B4GALNT1: variants seen among roughly 807,000 people sequenced by gnomAD.
The protein encoded by B4GALNT1 is beta-1,4-N-acetyl-galactosaminyltransferase 1.
B4GALNT1 carries 43 observed loss-of-function variants against 55.2 expected under a neutral mutation model. The ratio of observed to expected loss-of-function variants is 0.78; its 90% CI spans 0.61 to 1.00. B4GALNT1 has a LOEUF of 1.00. Ranked by LOEUF, B4GALNT1 falls within the 50% of genes least tolerant of loss-of-function variation. B4GALNT1 has a pLI of 0.00. For missense variants in B4GALNT1, 664 were observed against 729.7 expected (o/e 0.91, Z 1.04); for synonymous variants, 305 against 311.6 (o/e 0.98, Z 0.22).
intron 2 of B4GALNT1, among the ~76,000 whole-genome samples, chr12:57,631,608 C>T (rs1885216689): frequency 6.6e-6 from 1 of 152,034 alleles, no homozygotes; most frequent in East Asian, 1.9e-4. Context: ...GAGCTGCCTA[C>T]CCACCAACCA....
chr12:57,627,447 G>T (rs1257005629), intron 10 of B4GALNT1, among the ~76,000 whole-genome samples, 171 bp downstream of exon 10: 7 of 152,116 alleles, frequency 4.6e-5, no homozygotes, highest in Non-Finnish European at 8.8e-5. Context: ...CTGGGAGAGG[G>T]TGGGAGCTGT....
intron 1 of B4GALNT1, 94 bp from the exon 2 acceptor site, chr12:57,632,227 C>T (rs780048927): frequency 8.0e-7 from 1 of 1,250,700 alleles, no homozygotes; most frequent in Admixed American, 2.0e-5. Context: ...AGGCTCCTGC[C>T]GGCTCCCAAG....
In B4GALNT1 at chr12:57,626,810, C is replaced by G. The variant is rs774873545; in HGVS notation, c.1536G>C (p.Glu512Asp). Residue 512 changes from glutamate to aspartate, a missense_variant, in exon 11 of 11, where the codon GAG becomes GAC. Glu to Asp is a conservative substitution (Grantham distance 45). Coordinates refer to ENST00000341156, the MANE Select transcript of B4GALNT1 (RefSeq NM_001478.5). ...ARYRYPGSLDESQMAKHRLLF... is the reference protein window; with the variant it reads ...ARYRYPGSLDDSQMAKHRLLF... ...GCAGCCGGTGTTTGGCCATCTGGCT[C>G]TCGTCCAGTGATCCTGGGTAACGGT... The G allele has an allele frequency of 2.5e-6, 4 of 1,614,232 alleles. No individual in the cohort carries two copies. The highest frequency in any genetic ancestry group is 3.4e-6 in the Non-Finnish European group (4 of 1,180,050).
Position 57,624,269 on chromosome 12 carries a change from T to G in B4GALNT1, c.*2475A>C. The G allele has an allele frequency of 1.5e-6, 1 of 668,892 alleles. No individual in the cohort carries two copies. The highest frequency in any genetic ancestry group is 2.6e-6 in the Non-Finnish European group (1 of 384,650). 41.4% of individuals were successfully genotyped at this position (668,892 alleles called of 1,614,324 possible). ...TCACAGGCAAGGGAAAGGATGGGGT[T>G]TGAACCCCTTTGGCCTGAATATTTG... On this transcript the variant is annotated 3_prime_UTR_variant, in exon 11 of 11. Coordinates refer to ENST00000341156, the MANE Select transcript of B4GALNT1 (RefSeq NM_001478.5).
rs765777751 is a variant in B4GALNT1 at position 57,624,816 on chromosome 12, AGGAAG to A, written c.*1923_*1927del. 93 of 1,568,348 alleles carry A rather than the reference AGGAAG, an allele frequency of 5.9e-5. No homozygotes were observed. Among genetic ancestry groups the A allele is most frequent in the Non-Finnish European group, 8.0e-5 (91 of 1,138,474 alleles). On this transcript the variant is annotated 3_prime_UTR_variant, in exon 11 of 11. Transcript: ENST00000341156. ...AGGGTGGGTGGGCTGCAGCCAAAGA[AGGAAG>A]GGAAGATTAGCCCCAGACATTTCTC...
Position 57,625,009 on chromosome 12 carries a change from G to A in B4GALNT1, c.*1735C>T, listed in dbSNP as rs1413844832. The A allele has an allele frequency of 6.2e-7, 1 of 1,613,786 alleles. No homozygotes were observed. The highest frequency in any genetic ancestry group is 8.5e-7 in the Non-Finnish European group (1 of 1,179,688). On this transcript the variant is annotated 3_prime_UTR_variant, in exon 11 of 11. Coordinates refer to ENST00000341156, the MANE Select transcript of B4GALNT1 (RefSeq NM_001478.5). ...TGAAGGAGCTTGGTTTAGGAGGGAT[G>A]TGGATCCTCAGGGAGTGGGAGGCAG...
intron 8 of B4GALNT1, 185 bp downstream of exon 8, chr12:57,628,528 T>TTCTGAGA: frequency 1.2e-6 from 1 of 847,394 alleles, no homozygotes. Flanking sequence ...CTAAGCACCA[T>TTCTGAGA]TCTAAGAATT....
In B4GALNT1 at chr12:57,623,887, G is replaced by A; in HGVS notation, c.*2857C>T. 6.2e-7 allele frequency: 1 copy of A among 1,614,036 alleles called. No individual in the cohort carries two copies. The highest frequency in any genetic ancestry group is 8.5e-7 in the Non-Finnish European group (1 of 1,179,978). On this transcript the variant is annotated 3_prime_UTR_variant, in exon 11 of 11. Transcript: ENST00000341156. ...GGTCCTGTCGGTGCTGCTGTGGCTG[G>A]GGCCCTTCTTTTACTATCTGCCCAA...
intron 8 of B4GALNT1, 126 bp from the exon 9 acceptor site, chr12:57,628,388 A>G (rs1884982619): frequency 7.1e-7 from 1 of 1,401,898 alleles, no homozygotes; most frequent in Non-Finnish European, 9.7e-7. Flanking sequence ...TGCTTTCGAA[A>G]GGCCAGGAGC....
chr12:57,625,749 AG>A lies in B4GALNT1; in HGVS notation c.*994del, dbSNP rs755802241. 2.6e-6 allele frequency: 4 copies of A among 1,521,212 alleles called. No homozygotes were observed. Among genetic ancestry groups the A allele is most frequent in the African/African-American group, 1.4e-5 (1 of 71,868 alleles). The allele number at this position is 1,521,212 out of a possible 1,614,324, so 94.2% of individuals were successfully genotyped here. ...GGCACTGGGCTGCGGCAAGTGAGGC[AG>A]GGGTAAGTGGCTGGAGACCCAGGGA... On this transcript the variant is annotated 3_prime_UTR_variant, in exon 11 of 11. Transcript: ENST00000341156.
Position 57,625,199 on chromosome 12 carries a change from G to C in B4GALNT1, c.*1545C>G, listed in dbSNP as rs200006599. The stretch of plus-strand genomic sequence containing the variant: ...GAAGGAAGATTTGGGCATGTTGCAT[G>C]GTGACACCTGGGTACTCCTGTCTTC... On this transcript the variant is annotated 3_prime_UTR_variant, in exon 11 of 11. Transcript: ENST00000341156. The C allele has an allele frequency of 5.6e-6, 9 of 1,614,082 alleles. No homozygotes were observed. The African/African-American group carries it at 9.3e-5, about 17-fold the overall frequency.
rs74850490 is a variant in B4GALNT1 at position 57,627,942 on chromosome 12, G to A, written c.1144-84C>T. On this transcript the variant is annotated intron_variant, in intron 9 of 10. Coordinates refer to ENST00000341156, the MANE Select transcript of B4GALNT1 (RefSeq NM_001478.5). The stretch of plus-strand genomic sequence containing the variant: ...AAGGTCTGCGCTCCGGTGCCTTCGG[G>A]GGTACCCCTGCCCCATCCTCTTCCG... The A allele has an allele frequency of 8.2e-4, 1,209 of 1,471,026 alleles. 16 individuals carry two copies. The East Asian group carries it at 0.027, about 32-fold the overall frequency. 91.1% of individuals were successfully genotyped at this position (1,471,026 alleles called of 1,614,324 possible). A position where few individuals can be genotyped will look rare whatever the true frequency, so the allele number is the denominator to read the frequency against.
Position 57,624,091 on chromosome 12 carries a change from T to C in B4GALNT1, c.*2653A>G, listed in dbSNP as rs763035220. The C allele has an allele frequency of 6.2e-7, 1 of 1,613,772 alleles. No individual in the cohort carries two copies. The highest frequency in any genetic ancestry group is 1.1e-5 in the South Asian group (1 of 91,020). On this transcript the variant is annotated 3_prime_UTR_variant, in exon 11 of 11. Coordinates refer to ENST00000341156, the MANE Select transcript of B4GALNT1 (RefSeq NM_001478.5). ...CCACAACTATGGCACATCAGCCGAG[T>C]GGACTTTGTGAGAAATGCCATTACC...
chr12:57,631,434 C>G (rs1885206842), intron 2 of B4GALNT1, 70 bp from the exon 3 acceptor site: 1 of 1,532,482 alleles, frequency 6.5e-7, no homozygotes, highest in Non-Finnish European at 9.0e-7. Context: ...TAAACACTGA[C>G]ACAGCACCCC....
At position 57,631,015 on chromosome 12, in the gene B4GALNT1, A is replaced by G; in HGVS notation, c.455T>C (p.Val152Ala). 1 of 1,613,150 alleles carries G rather than the reference A, an allele frequency of 6.2e-7. No homozygotes were observed. Among genetic ancestry groups the G allele is most frequent in the Non-Finnish European group, 8.5e-7 (1 of 1,179,880 alleles). ...GATGCTCCTGAGGGGCTGAACTTCC[A>G]CACCCTGTAGGGGGTACTGGAGCGG... ...NSPLQYPLQG[V>A]EVQPLRSILV... Residue 152 changes from valine to alanine, a missense_variant, in exon 4 of 11, where the codon GTG becomes GCG. Val to Ala is a moderately conservative substitution (Grantham distance 64). Transcript: ENST00000341156.
At chr12:57,629,271 G>T in intron 6 of B4GALNT1, 125 bp from the exon 7 acceptor site, 2 of 742,870 alleles carry the variant, frequency 2.7e-6, no homozygotes, top group Non-Finnish European at 4.1e-6. Context: ...AGAACAGAAG[G>T]TTCTTACCTT....
rs1884756854 is a variant in B4GALNT1, at chr12:57,625,624, G to C, written c.*1120C>G. The C allele has an allele frequency of 6.3e-7, 1 of 1,592,994 alleles. No homozygotes were observed. The highest frequency in any genetic ancestry group is 2.2e-5 in the East Asian group (1 of 44,730). On this transcript the variant is annotated 3_prime_UTR_variant, in exon 11 of 11. Transcript: ENST00000341156. ...CTGACCCGGGTAGGACTCCTGGACA[G>C]GGTGACTCCAGATCAGCTGTTTGTG...
chr12:57,624,390 A>G lies in B4GALNT1; in HGVS notation c.*2354T>C. 1.6e-6 allele frequency: 1 copy of G among 614,180 alleles called. No homozygotes were observed. The highest frequency in any genetic ancestry group is 3.3e-5 in the East Asian group (1 of 29,894). The allele number at this position is 614,180 out of a possible 1,614,324, so 38.0% of individuals were successfully genotyped here. On this transcript the variant is annotated 3_prime_UTR_variant, in exon 11 of 11. Transcript: ENST00000341156. The stretch of plus-strand genomic sequence containing the variant: ...TGTCATGCTTTCCACTTCTTCCTGG[A>G]TCATCTCTCCCCATCACTTGCCTTG...
Position 57,625,738 on chromosome 12 carries a change from G to C in B4GALNT1, c.*1006C>G. ...GGGAGCCAGGAGGCACTGGGCTGCG[G>C]CAAGTGAGGCAGGGGTAAGTGGCTG... On this transcript the variant is annotated 3_prime_UTR_variant, in exon 11 of 11. Transcript: ENST00000341156. 1 of 1,525,952 alleles carries C rather than the reference G, an allele frequency of 6.6e-7. No homozygotes were observed. Among genetic ancestry groups the C allele is most frequent in the South Asian group, 1.3e-5 (1 of 75,844 alleles). 94.5% of individuals were successfully genotyped at this position (1,525,952 alleles called of 1,614,324 possible).
Sources: gnomAD v4.1 joint callset for allele counts (sites outside exome capture counted in the v4.1 genomes callset) on GRCh38, gnomAD v4.1.1 for gene constraint, MANE v1.5 for transcripts, NCBI Gene and HGNC (gene_info 2026-07-23, HGNC 2026-07-21) for gene names.